The following SPRTN variants were observed in gnomAD, a reference collection of about 807,000 sequenced individuals.
SPRTN encodes DNA-dependent metalloprotease SPRTN.
A neutral mutation model predicts 31.9 loss-of-function variants in SPRTN; 11 were observed. The ratio of observed to expected loss-of-function variants is 0.34; its 90% CI spans 0.22 to 0.57. SPRTN has a LOEUF of 0.57. Among genes scored for constraint, SPRTN ranks in the 20% least tolerant of loss-of-function variants. SPRTN has a pLI of 0.86. For missense variants in SPRTN, 482 were observed against 590.1 expected (o/e 0.82, Z 1.90); for synonymous variants, 185 against 212.1 (o/e 0.87, Z 1.11).
chr1:231,352,505 A>G, intron 4 of SPRTN, 105 bp from the exon 5 acceptor site: 2 of 1,490,762 alleles, frequency 1.3e-6, no homozygotes, highest in South Asian at 3.0e-5. Context: ...GGAATAAAAT[A>G]CTAGTTCTTC....
At chr1:231,339,679 C>A in intron 1 of SPRTN, 90 bp from the exon 2 acceptor site, 2 of 1,278,724 alleles carry the variant, frequency 1.6e-6, no homozygotes, top group Non-Finnish European at 2.3e-6. Context: ...AGCCATCTGC[C>A]AACTGAGTTA....
intron 3 of SPRTN, 88 bp from the exon 4 acceptor site, chr1:231,351,216 A>G: frequency 8.5e-7 from 1 of 1,173,734 alleles, no homozygotes; most frequent in Non-Finnish European, 1.1e-6. Flanking sequence ...AAAAAAAAAA[A>G]AAAAAAAAAA....
intron 3 of SPRTN, 27 bp downstream of exon 3, chr1:231,347,952 T>A: frequency 1.3e-6 from 2 of 1,592,330 alleles, no homozygotes; most frequent in Non-Finnish European, 1.7e-6. Flanking sequence ...CTATTTATGA[T>A]GTTTAGTAGT....
rs1015867814 is a variant in SPRTN, at chr1:231,338,459, C to T, written c.76C>T (p.Gln26Ter). The T allele has an allele frequency of 4.3e-6, 7 of 1,614,260 alleles. No individual in the cohort carries two copies. The highest frequency in any genetic ancestry group is 5.1e-6 in the Non-Finnish European group (6 of 1,180,040). Reference protein sequence around the residue: ...NLQEAERDHAQESLSLVDASW... With the variant: ...NLQEAERDHA ...GCAGGAGGCGGAGCGCGATCATGCC[C>T]AGGAGTCCCTGTCGCTAGTGGACGC... The change falls in exon 1 of 5, where the codon CAG becomes TAG. Residue 26 changes from glutamine (Q) to a stop codon, truncating the protein, a stop_gained. Transcript: ENST00000295050. LOFTEE classifies it high-confidence loss of function.
rs1272387302 is a variant in SPRTN at position 231,354,124 on chromosome 1, TATAAC to T, written c.*768_*772del. On this transcript the variant is annotated 3_prime_UTR_variant, in exon 5 of 5. Coordinates refer to ENST00000295050, the MANE Select transcript of SPRTN (RefSeq NM_032018.7). Reference sequence around the variant, plus strand: ...TCTGTGCTGATAAGTAACTGATACATATAACATAAACATAACAAAGTTGCCTAGTT... The same window carrying T: ...TCTGTGCTGATAAGTAACTGATACATATAAACATAACAAAGTTGCCTAGTT... 8.1e-6 allele frequency: 8 copies of T among 985,238 alleles called. No individual in the cohort carries two copies. In the East Asian group the frequency reaches 6.8e-4, roughly 84 times the overall value. 61.0% of individuals were successfully genotyped at this position (985,238 alleles called of 1,614,324 possible).
chr1:231,352,018 CA>C, intron 4 of SPRTN: 2 of 995,570 alleles, frequency 2.0e-6, no homozygotes, highest in Non-Finnish European at 2.4e-6. Context: ...GGATTCTATC[CA>C]AGTGACTCTA....
At chr1:231,339,900 A>G in intron 2 of SPRTN, 32 bp downstream of exon 2, 4 of 1,592,936 alleles carry the variant, frequency 2.5e-6, no homozygotes, top group Non-Finnish European at 3.4e-6. Flanking sequence ...TTCCTAGCGC[A>G]GTAATTTACA....
chr1:231,338,793 C>T (rs1221677614), intron 1 of SPRTN, among the ~76,000 whole-genome samples, 189 bp downstream of exon 1: 1 of 152,162 alleles, frequency 6.6e-6, no homozygotes, highest in Non-Finnish European at 1.5e-5. Flanking sequence ...CCCACTCGAA[C>T]AATAAGAAAG....
Position 231,353,223 on chromosome 1 carries a change from C to G in SPRTN, c.1332C>G (p.Ser444=), listed in dbSNP as rs754129906. 2 of 1,614,042 alleles carry G rather than the reference C, an allele frequency of 1.2e-6. No homozygotes were observed. Among genetic ancestry groups the G allele is most frequent in the Admixed American group, 3.3e-5 (2 of 60,010 alleles). The change falls in exon 5 of 5, where the codon TCC becomes TCG. Residue 444 remains serine (S), a synonymous_variant. Transcript: ENST00000295050. The part of the protein sequence containing the change: ...PKYSTTTAQN[S]SSSSSQSKMV... Reference sequence around the variant, plus strand: ...ATAGTACAACCACAGCTCAGAATTCCAGCAGTTCATCCAGTCAGAGCAAAA... The same window carrying G: ...ATAGTACAACCACAGCTCAGAATTCGAGCAGTTCATCCAGTCAGAGCAAAA...
intron 2 of SPRTN, 34 bp downstream of exon 2, chr1:231,339,902 T>C: frequency 1.3e-6 from 2 of 1,589,838 alleles, no homozygotes; most frequent in East Asian, 2.2e-5. Context: ...CCTAGCGCAG[T>C]AATTTACAAA....
chr1:231,349,076 T>C (rs1199697869), intron 3 of SPRTN, among the ~76,000 whole-genome samples: 3 of 152,066 alleles, frequency 2.0e-5, no homozygotes, highest in African/African-American at 7.3e-5. Flanking sequence ...GCTTAAGTGA[T>C]CCTCCCACCT....
In SPRTN at chr1:231,353,507, G is replaced by A. The variant is rs914192016; in HGVS notation, c.*146G>A. The A allele has an allele frequency of 5.8e-6, 8 of 1,369,582 alleles. No individual in the cohort carries two copies. The highest frequency in any genetic ancestry group is 2.9e-5 in the African/African-American group (2 of 68,004). 84.8% of individuals were successfully genotyped at this position (1,369,582 alleles called of 1,614,324 possible). A position where few individuals can be genotyped will look rare whatever the true frequency, so the allele number is the denominator to read the frequency against. On this transcript the variant is annotated 3_prime_UTR_variant, in exon 5 of 5. Transcript: ENST00000295050. The stretch of plus-strand genomic sequence containing the variant: ...AGAAAGTGTCCTATTTTATATATAC[G>A]CATATAAGATTGTAATTTTAAGATG...
chr1:231,338,983 C>T (rs988810710), intron 1 of SPRTN, among the ~76,000 whole-genome samples: 9 of 152,224 alleles, frequency 5.9e-5, no homozygotes, highest in African/African-American at 1.7e-4. Flanking sequence ...CGCAGAGTAA[C>T]TGCCAAAGGA....
chr1:231,352,037 AT>A (rs1298845780), intron 4 of SPRTN: 13 of 991,530 alleles, frequency 1.3e-5, no homozygotes, highest in African/African-American at 1.7e-5. Context: ...CTATTGATGT[AT>A]GTATGTTCAT....
chr1:231,340,954 CACTGA>C (rs1159181910), intron 2 of SPRTN, among the ~76,000 whole-genome samples: 1 of 151,998 alleles, frequency 6.6e-6, no homozygotes, highest in Non-Finnish European at 1.5e-5. Context: ...ATATACTCAA[CACTGA>C]ACTGTACACA....
chr1:231,345,036 C>T (rs1409924540), intron 2 of SPRTN, among the ~76,000 whole-genome samples: 1 of 152,154 alleles, frequency 6.6e-6, no homozygotes, highest in Non-Finnish European at 1.5e-5. Flanking sequence ...TTTATTCCTC[C>T]TCCCCACCAT....
intron 1 of SPRTN, 133 bp from the exon 2 acceptor site, chr1:231,339,636 A>G (rs1686802138): frequency 1.1e-6 from 1 of 931,516 alleles, no homozygotes; most frequent in Non-Finnish European, 1.7e-6. Context: ...AAATGCAAGT[A>G]TCTGCTAACC....
In SPRTN at chr1:231,353,904, T is replaced by C. The variant is rs1388885780; in HGVS notation, c.*543T>C. On this transcript the variant is annotated 3_prime_UTR_variant, in exon 5 of 5. Transcript: ENST00000295050. Reference sequence around the variant, plus strand: ...ATCTTAACAGGAACTGTATTTTCTATATTTTAAAGAATTTTATTTGTCCCA... The same window carrying C: ...ATCTTAACAGGAACTGTATTTTCTACATTTTAAAGAATTTTATTTGTCCCA... The C allele has an allele frequency of 1.1e-6, 1 of 946,084 alleles. No homozygotes were observed. The highest frequency in any genetic ancestry group is 1.8e-5 in the African/African-American group (1 of 56,534). 58.6% of individuals were successfully genotyped at this position (946,084 alleles called of 1,614,324 possible).
intron 3 of SPRTN, among the ~76,000 whole-genome samples, chr1:231,348,236 T>C (rs762214315): frequency 1.3e-5 from 2 of 152,232 alleles, no homozygotes; most frequent in Non-Finnish European, 2.9e-5. Flanking sequence ...TTGTCTTTTT[T>C]AGTCCATCCT....
Sources: gnomAD v4.1 joint callset for allele counts (sites outside exome capture counted in the v4.1 genomes callset) on GRCh38, gnomAD v4.1.1 for gene constraint, MANE v1.5 for transcripts, NCBI Gene and HGNC (gene_info 2026-07-23, HGNC 2026-07-21) for gene names.